Variants in DNAH3 observed in about 807,000 individuals in gnomAD.
The protein encoded by DNAH3 is axonemal beta dynein heavy chain 3.
A neutral mutation model predicts 432.5 loss-of-function variants in DNAH3; 332 were observed. That is an observed-to-expected ratio of 0.77 (90% CI 0.70 to 0.84). The LOEUF (loss-of-function observed/expected upper bound fraction) is 0.84. DNAH3 is among the 40% of genes least tolerant of loss of function. DNAH3 has a pLI of 0.00. For missense variants in DNAH3, 4,861 were observed against 5,114.0 expected (o/e 0.95, Z 1.51); for synonymous variants, 1,956 against 1,900.2 (o/e 1.03, Z -0.76).
intron 4 of DNAH3, 41 bp from the exon 6 acceptor site, chr16:21,140,751 C>A: frequency 6.2e-7 from 1 of 1,601,104 alleles, no homozygotes; most frequent in Non-Finnish European, 8.5e-7. Flanking sequence ...GTTTGGTTCT[C>A]CAGAGAGGTG....
chr16:20,967,248 T>C (rs1035190856), intron 52 of DNAH3, among the ~76,000 whole-genome samples: 1 of 152,176 alleles, frequency 6.6e-6, no homozygotes, highest in African/African-American at 2.4e-5. Context: ...CTCAATATAC[T>C]CACTCAATTC....
At chr16:21,014,986 C>T (rs1397190491) in intron 41 of DNAH3, among the ~76,000 whole-genome samples, 6 of 152,022 alleles carry the variant, frequency 3.9e-5, no homozygotes, top group Admixed American at 2.0e-4. Context: ...TAGAAAGACC[C>T]TAAATTATTA....
rs530555244 is a variant in DNAH3, at chr16:21,146,676, A to T, written c.118-588T>A. On this transcript the variant is annotated intron_variant, in intron 1 of 61. Transcript: ENST00000261383. ...TTAATTAGTCATCATGCTGTACAAC[A>T]GATCTCTTGAACTTATTCCATCTAA... Among the ~76,000 whole-genome samples, 7 of 152,304 alleles carry T rather than the reference A, an allele frequency of 4.6e-5. No individual in the cohort carries two copies. In the South Asian group the frequency reaches 1.5e-3, roughly 32 times the overall value.
intron 41 of DNAH3, among the ~76,000 whole-genome samples, chr16:21,014,634 A>G (rs1051237129): frequency 6.6e-6 from 1 of 152,142 alleles, no homozygotes; most frequent in Non-Finnish European, 1.5e-5. Context: ...GAAATAAAAT[A>G]TTGGGAAGGA....
intron 48 of DNAH3, among the ~76,000 whole-genome samples, chr16:20,983,424 G>A (rs1422607356): frequency 2.0e-5 from 3 of 151,922 alleles, no homozygotes; most frequent in African/African-American, 7.3e-5. Context: ...CCATGCCTGA[G>A]TCTATTACCT....
At chr16:20,984,029 G>GAAAAAAGAAAAAAAAAAAAAAAAAA (rs2086051499) in intron 48 of DNAH3, among the ~76,000 whole-genome samples, 4 of 112,156 alleles carry the variant, frequency 3.6e-5, no homozygotes, top group African/African-American at 1.4e-4. Flanking sequence ...CCTATATCCA[G>GAAAAAAGAAAAAAAAAAAAAAAAAA]AAAAAAAAAA....
rs140167859 is a variant in DNAH3, at chr16:21,108,980, G to A, written c.2100-2306C>T. ...CTACTAAAAATACAAAACATTAGCC[G>A]GGTGTGGTGGCACACACCTGTAATC... is the stretch of plus-strand genomic sequence containing the variant. On this transcript the variant is annotated intron_variant, in intron 14 of 61. Transcript: ENST00000261383. Among the ~76,000 whole-genome samples the A allele has an allele frequency of 1.9e-3, 285 of 151,790 alleles. 1 individual carries two copies. Among genetic ancestry groups the A allele is most frequent in the Middle Eastern group, 0.014 (4 of 294 alleles).
At chr16:20,971,780 G>A (rs12920797) in intron 51 of DNAH3, among the ~76,000 whole-genome samples, 45,408 of 152,022 alleles carry the variant, frequency 0.3, 7,035 homozygotes, top group South Asian at 0.42. Context: ...TTCCCTCTGC[G>A]ACCCACATGT....
intron 23 of DNAH3, 137 bp from the exon 24 acceptor site, chr16:21,067,556 C>T (rs2090599100): frequency 5.8e-6 from 5 of 856,134 alleles, no homozygotes; most frequent in Non-Finnish European, 9.4e-6. Flanking sequence ...CTCCTAACTG[C>T]ACAGGGGTGA....
chr16:21,050,941 T>C (rs2089928669), intron 29 of DNAH3, among the ~76,000 whole-genome samples: 1 of 152,128 alleles, frequency 6.6e-6, no homozygotes, highest in Non-Finnish European at 1.5e-5. Context: ...TGAATATGTC[T>C]CTCCCGACCC....
chr16:20,945,182 G>C (rs541668044), intron 57 of DNAH3, among the ~76,000 whole-genome samples: 1 of 152,294 alleles, frequency 6.6e-6, no homozygotes, highest in South Asian at 2.1e-4. Flanking sequence ...AAACCAAGAT[G>C]GCCACGGAAG....
exon 36 of DNAH3, chr16:21,034,054 T>G (rs79335259): frequency 6.2e-7 from 1 of 1,613,620 alleles, no homozygotes; most frequent in African/African-American, 1.3e-5. Context: ...TACAATCATA[T>G]AGCCATGTCT....
chr16:21,003,009 A>G, intron 42 of DNAH3, 95 bp downstream of exon 42: 1 of 868,166 alleles, frequency 1.2e-6, no homozygotes, highest in Non-Finnish European at 1.9e-6. Context: ...GAAAGCCCTT[A>G]AAACTCCTCG....
At chr16:21,137,975 C>T (rs2092666398) in intron 5 of DNAH3, among the ~76,000 whole-genome samples, 2 of 151,888 alleles carry the variant, frequency 1.3e-5, no homozygotes, top group African/African-American at 2.4e-5. Flanking sequence ...TGGCCAGGCA[C>T]GGTGGCTCAT....
At chr16:21,052,145 C>T (rs555359898) in intron 28 of DNAH3, among the ~76,000 whole-genome samples, 6 of 152,260 alleles carry the variant, frequency 3.9e-5, no homozygotes, top group Non-Finnish European at 5.9e-5. Flanking sequence ...GCGCACGCCA[C>T]CACACCTGGC....
rs572633890 is a variant in DNAH3, at chr16:21,147,933, T to C, written c.118-1845A>G. On this transcript the variant is annotated intron_variant, in intron 1 of 61. Coordinates refer to ENST00000261383, the Ensembl canonical transcript of DNAH3. ...AAGAAAAGCTGTTGGCCTGGACTTA[T>C]TGAGAGGTGCTGCCGTTCAGCACTT... Among the ~76,000 whole-genome samples the C allele has an allele frequency of 7.2e-5, 11 of 152,350 alleles. No individual in the cohort carries two copies. In the South Asian group the frequency reaches 8.3e-4, roughly 11 times the overall value.
In DNAH3 at chr16:21,081,621, G is replaced by C. The variant is rs1300668885; in HGVS notation, c.2969+15C>G. 1 of 1,604,266 alleles carries C rather than the reference G, an allele frequency of 6.2e-7. No homozygotes were observed. Among genetic ancestry groups the C allele is most frequent in the East Asian group, 2.2e-5 (1 of 44,754 alleles). On this transcript the variant is annotated intron_variant, in intron 20 of 61. Coordinates refer to ENST00000261383, the Ensembl canonical transcript of DNAH3. Reference sequence around the variant, plus strand: ...TTGACCAAAACCTTATCTGAAGGAGGGGATAAGCCCTTACTTTTCAACGAA... The same window carrying C: ...TTGACCAAAACCTTATCTGAAGGAGCGGATAAGCCCTTACTTTTCAACGAA...
chr16:20,961,512 TA>T (rs566154299), intron 53 of DNAH3, among the ~76,000 whole-genome samples: 1 of 147,074 alleles, frequency 6.8e-6, no homozygotes, highest in Admixed American at 6.8e-5. Context: ...AATAAATGAA[TA>T]AAAAAATAAA....
At position 20,947,293 on chromosome 16, in the gene DNAH3, G is replaced by T. The variant is rs2084092215; in HGVS notation, c.11343+1190C>A. Among the ~76,000 whole-genome samples, 4 of 152,312 alleles carry T rather than the reference G, an allele frequency of 2.6e-5. No individual in the cohort carries two copies. The South Asian group carries it at 6.2e-4, about 24-fold the overall frequency. On this transcript the variant is annotated intron_variant, in intron 57 of 61. Coordinates refer to ENST00000261383, the Ensembl canonical transcript of DNAH3. ...TATTTCACCCAGGGAGGGCATGGAA[G>T]TTCTCACTCCTTCCGCCATACTTCA...
Sources: allele counts gnomAD v4.1 joint callset (sites outside exome capture counted in the v4.1 genomes callset), GRCh38; gene constraint gnomAD v4.1.1; transcripts MANE v1.5; gene names NCBI Gene and HGNC (gene_info 2026-07-23, HGNC 2026-07-21).